The following LINGO2 variants were observed in gnomAD, a reference collection of about 807,000 sequenced individuals.
LINGO2 encodes the protein leucine rich repeat and Ig domain containing 2, also known as leucine-rich repeat and immunoglobulin-like domain-containing nogo receptor-interacting protein 2.
In LINGO2, 14 loss-of-function variants were observed where a neutral mutation model predicts 30.6. The ratio of observed to expected loss-of-function variants is 0.46; its 90% CI spans 0.30 to 0.72. The LOEUF is 0.72. Ranked by LOEUF, LINGO2 falls within the 30% of genes least tolerant of loss-of-function variation. The probability of loss-of-function intolerance (pLI) is 0.07; values close to 1 mark genes in which losing one functional copy is unlikely to be tolerated. For missense variants in LINGO2, 729 were observed against 751.7 expected, an observed-to-expected ratio of 0.97 and a Z score of 0.35; for synonymous variants, 317 against 288.5, an observed-to-expected ratio of 1.10 and a Z score of -1.00.
chr9:29,208,066 C>T, the LINGO2 span, among the ~76,000 whole-genome samples: 1 of 151,884 alleles, frequency 6.6e-6, no homozygotes. Flanking sequence ...CTGTAAAAAA[C>T]TAAGATAATA....
intron 4 of LINGO2, among the ~76,000 whole-genome samples, chr9:28,141,257 T>C (rs1827663716): frequency 6.6e-6 from 1 of 152,200 alleles, no homozygotes; most frequent in African/African-American, 2.4e-5. Flanking sequence ...TAGAAATGTG[T>C]CCTTTACCAA....
chr9:28,139,672 G>A (rs1827619878), intron 4 of LINGO2, among the ~76,000 whole-genome samples: 1 of 152,014 alleles, frequency 6.6e-6, no homozygotes, highest in Non-Finnish European at 1.5e-5. Flanking sequence ...CAGCTAGAAA[G>A]GTTTACAAAA....
At chr9:28,605,009 A>G (rs1303187983) in intron 1 of LINGO2, among the ~76,000 whole-genome samples, 2 of 152,008 alleles carry the variant, frequency 1.3e-5, no homozygotes, top group Non-Finnish European at 2.9e-5. Context: ...TTAGGGATTC[A>G]GACTGAGGAA....
chr9:28,641,806 G>C (rs1215216164), intron 1 of LINGO2, among the ~76,000 whole-genome samples: 1 of 152,182 alleles, frequency 6.6e-6, no homozygotes, highest in African/African-American at 2.4e-5. Flanking sequence ...TGGCAGTGGA[G>C]AGAAGGAAAG....
intron 1 of LINGO2, among the ~76,000 whole-genome samples, chr9:28,504,399 G>A (rs536704481): frequency 1.1e-4 from 17 of 151,470 alleles, no homozygotes; most frequent in African/African-American, 2.7e-4. Flanking sequence ...TAAACATACC[G>A]TGGCATAATG....
intron 1 of LINGO2, among the ~76,000 whole-genome samples, chr9:28,548,700 C>A (rs1822089097): frequency 2.3e-5 from 1 of 42,554 alleles, no homozygotes; most frequent in African/African-American, 9.7e-5. Context: ...GAGACTCCAT[C>A]TCAAAAAAAA....
At chr9:29,028,943 A>T in the LINGO2 span, among the ~76,000 whole-genome samples, 2 of 150,490 alleles carry the variant, frequency 1.3e-5, no homozygotes, top group Non-Finnish European at 3.0e-5. Flanking sequence ...GTGAAGATGA[A>T]TTTTTTTTTT....
chr9:29,105,394 T>A, the LINGO2 span, among the ~76,000 whole-genome samples: 3 of 152,278 alleles, frequency 2.0e-5, no homozygotes, highest in South Asian at 2.1e-4. Flanking sequence ...TAAAGGAAGA[T>A]GAATTTTTCT....
the LINGO2 span, among the ~76,000 whole-genome samples, chr9:29,200,269 C>T: frequency 2.2e-4 from 33 of 151,874 alleles, no homozygotes; most frequent in Non-Finnish European, 2.9e-4. Context: ...TGGGCAGAGA[C>T]GAAAAACGTA....
the LINGO2 span, among the ~76,000 whole-genome samples, chr9:28,797,371 G>T: frequency 1.5e-4 from 21 of 138,474 alleles, no homozygotes; most frequent in African/African-American, 2.6e-4. Flanking sequence ...GAGAGAGAGA[G>T]AGAGAGAGAG....
At chr9:28,790,388 G>A in the LINGO2 span, among the ~76,000 whole-genome samples, 6 of 139,758 alleles carry the variant, frequency 4.3e-5, no homozygotes, top group South Asian at 1.1e-3. Flanking sequence ...GAGTGCAGTC[G>A]TGCGATCTCG....
At chr9:28,179,236 C>A (rs947374126) in intron 4 of LINGO2, among the ~76,000 whole-genome samples, 4 of 104,590 alleles carry the variant, frequency 3.8e-5, no homozygotes, top group African/African-American at 1.0e-4. Context: ...TTAGTTTCAA[C>A]TCATTTTCTT....
chr9:28,287,759 T>C (rs1171927306), intron 4 of LINGO2, among the ~76,000 whole-genome samples: 1 of 152,164 alleles, frequency 6.6e-6, no homozygotes, highest in African/African-American at 2.4e-5. Context: ...TGAGGTTTCA[T>C]TTCAAGCATA....
At chr9:28,010,715 G>A (rs1482106936) in intron 5 of LINGO2, among the ~76,000 whole-genome samples, 1 of 152,214 alleles carries the variant, frequency 6.6e-6, no homozygotes, top group Non-Finnish European at 1.5e-5. Flanking sequence ...CACTTTGGGA[G>A]GCAGAGATGG....
the LINGO2 span, among the ~76,000 whole-genome samples, chr9:28,732,081 G>A: frequency 6.6e-6 from 1 of 152,062 alleles, no homozygotes; most frequent in African/African-American, 2.4e-5. Flanking sequence ...ATTTACCCTT[G>A]ATAAGGAGGA....
chr9:28,007,228 C>T (rs560621460), intron 5 of LINGO2, among the ~76,000 whole-genome samples: 1 of 152,226 alleles, frequency 6.6e-6, no homozygotes, highest in South Asian at 2.1e-4. Flanking sequence ...TTGTTGACAG[C>T]CTCATCGTCC....
At chr9:28,523,811 G>C (rs747428863) in intron 1 of LINGO2, among the ~76,000 whole-genome samples, 45 of 151,144 alleles carry the variant, frequency 3.0e-4, no homozygotes, top group Non-Finnish European at 5.5e-4. Context: ...TCTATGGATT[G>C]GATATCTGAA....
intron 2 of LINGO2, among the ~76,000 whole-genome samples, chr9:28,390,835 T>C (rs1821800172): frequency 6.6e-6 from 1 of 152,190 alleles, no homozygotes; most frequent in Admixed American, 6.5e-5. Context: ...TATTCAGGAA[T>C]GCAGCCACAG....
the LINGO2 span, among the ~76,000 whole-genome samples, chr9:28,860,175 T>C: frequency 0.089 from 13,553 of 152,190 alleles, 682 homozygotes; most frequent in Middle Eastern, 0.13. Context: ...ATTTATTTCA[T>C]TGGAAAAATA....
Sources: allele counts gnomAD v4.1 joint callset (sites outside exome capture counted in the v4.1 genomes callset), GRCh38; gene constraint gnomAD v4.1.1; transcripts MANE v1.5; gene names NCBI Gene and HGNC (gene_info 2026-07-23, HGNC 2026-07-21).